The following TXLNB variants were observed in gnomAD, a reference collection of about 807,000 sequenced individuals.
TXLNB encodes the protein beta-taxilin.
TXLNB carries 37 observed loss-of-function variants against 57.4 expected under a neutral mutation model. The ratio of observed to expected loss-of-function variants is 0.64; its 90% confidence interval spans 0.50 to 0.85. TXLNB has a LOEUF of 0.85. Ranked by LOEUF, TXLNB falls within the 40% of genes least tolerant of loss-of-function variation. TXLNB has a pLI of 0.00. For synonymous variants in TXLNB, 302 were observed against 309.6 expected (o/e 0.98, Z 0.26); for missense variants, 848 against 825.6 (o/e 1.03, Z -0.33).
the TXLNB span, chr6:139,179,538 G>A: frequency 6.6e-6 from 1 of 152,176 alleles, no homozygotes; most frequent in Non-Finnish European, 1.5e-5. Context: ...GGATTCTGTG[G>A]ATGTTACTTA....
At position 139,288,617 on chromosome 6, in the gene TXLNB, G is replaced by A; in HGVS notation, c.283C>T (p.Pro95Ser). The change falls in exon 2 of 10, where the codon CCT (proline) becomes TCT (serine). Residue 95 changes from proline to serine, a missense_variant. Coordinates refer to ENST00000358430, the MANE Select transcript of TXLNB (RefSeq NM_153235.4). The part of the protein sequence containing the change: ...ASEQPENAES[P>S]DNEDGDCEET... ...TCACAGTCCCCATCCTCGTTGTCAG[G>A]TGATTCTGCATTCTCAGGCTGCTCA... 2 of 1,614,160 alleles carry A rather than the reference G, an allele frequency of 1.2e-6. No individual in the cohort carries two copies. The highest frequency in any genetic ancestry group is 1.7e-6 in the Non-Finnish European group (2 of 1,180,026).
chr6:139,177,745 G>A, the TXLNB span: 1 of 152,300 alleles, frequency 6.6e-6, no homozygotes, highest in South Asian at 2.1e-4. This position sits in a 1 kb window ranked among gnomAD's most constrained non-coding sequence, Gnocchi z 4.9. Flanking sequence ...TTGCAAATAT[G>A]TTTAGGTAAA....
the TXLNB span, among the ~76,000 whole-genome samples, chr6:139,192,991 C>A: frequency 3.9e-4 from 58 of 150,592 alleles, no homozygotes; most frequent in African/African-American, 1.1e-3. Context: ...AAAAAAACAA[C>A]AAAAAAACCC....
At chr6:139,222,959 G>T in the TXLNB span, among the ~76,000 whole-genome samples, 7 of 152,148 alleles carry the variant, frequency 4.6e-5, no homozygotes, top group Non-Finnish European at 8.8e-5. Flanking sequence ...AATCAACAGG[G>T]TTAAAGAAGA....
the TXLNB span, among the ~76,000 whole-genome samples, chr6:139,208,705 A>C: frequency 1.4e-4 from 21 of 152,254 alleles, no homozygotes; most frequent in Admixed American, 3.9e-4. Flanking sequence ...TGATCATCTC[A>C]ATAGATACAG....
the TXLNB span, among the ~76,000 whole-genome samples, chr6:139,222,462 A>G: frequency 6.6e-6 from 1 of 152,200 alleles, no homozygotes; most frequent in Non-Finnish European, 1.5e-5. Context: ...ATAAATTTTT[A>G]TACACCTAAT....
At chr6:139,282,448 G>A (rs1425351202) in intron 2 of TXLNB, among the ~76,000 whole-genome samples, 1 of 145,082 alleles carries the variant, frequency 6.9e-6, no homozygotes, top group Non-Finnish European at 1.5e-5. Context: ...ATGGTGGCAC[G>A]TGGCTGTAAT....
chr6:139,300,927 C>T, the TXLNB span, among the ~76,000 whole-genome samples: 1 of 152,070 alleles, frequency 6.6e-6, no homozygotes, highest in African/African-American at 2.4e-5. Flanking sequence ...CTTGTGTGTT[C>T]CTTAATTCAA....
the TXLNB span, among the ~76,000 whole-genome samples, chr6:139,232,340 G>A: frequency 5.3e-5 from 8 of 152,234 alleles, no homozygotes; most frequent in Non-Finnish European, 7.4e-5. Context: ...ACATTCCACC[G>A]GGTCCCTCCC....
chr6:139,323,843 CCT>C, the TXLNB span, among the ~76,000 whole-genome samples: 4 of 152,180 alleles, frequency 2.6e-5, no homozygotes, highest in Non-Finnish European at 4.4e-5. Context: ...TGGCTCGGCC[CCT>C]GTTTCTCAAA....
the TXLNB span, among the ~76,000 whole-genome samples, chr6:139,215,065 T>G: frequency 6.6e-6 from 1 of 152,044 alleles, no homozygotes; most frequent in African/African-American, 2.4e-5. Context: ...AGGTAATTTA[T>G]AGATTCAATG....
chr6:139,226,108 G>A, the TXLNB span, among the ~76,000 whole-genome samples: 1 of 151,680 alleles, frequency 6.6e-6, no homozygotes, highest in African/African-American at 2.4e-5. Context: ...AGACCGACCT[G>A]GAGAACATGG....
At chr6:139,275,898 G>T (rs887015747) in intron 3 of TXLNB, among the ~76,000 whole-genome samples, 1 of 152,156 alleles carries the variant, frequency 6.6e-6, no homozygotes, top group African/African-American at 2.4e-5. Context: ...TCTACTGTTG[G>T]GGGCAGTTCA....
At chr6:139,254,315 T>TTGTGTGTGTGTGTGTGTGTGTGTGTGTG (rs60108019) in intron 7 of TXLNB, among the ~76,000 whole-genome samples, 2 of 150,026 alleles carry the variant, frequency 1.3e-5, no homozygotes, top group African/African-American at 4.9e-5. Context: ...TGAACACGAT[T>TTGTGTGTGTGTGTGTGTGTGTGTGTGTG]TGTGTGTGTG....
the TXLNB span, among the ~76,000 whole-genome samples, chr6:139,316,737 C>T: frequency 0.91 from 138,691 of 152,302 alleles, 63,444 homozygotes; most frequent in African/African-American, 0.98. Flanking sequence ...ACTAAGACTG[C>T]TGCAATTAAT....
Position 139,242,505 on chromosome 6 carries a change from C to A in TXLNB, c.*21G>T. On this transcript the variant is annotated 3_prime_UTR_variant, in exon 10 of 10. Coordinates refer to ENST00000358430, the MANE Select transcript of TXLNB (RefSeq NM_153235.4). ...GAATATGCAAAGAGGCAGGAAGAAG[C>A]CTCTGAAGGCACGGTGAGGCTTAGT... is the stretch of plus-strand genomic sequence containing the variant. The A allele has an allele frequency of 6.8e-7, 1 of 1,477,860 alleles. No individual in the cohort carries two copies. Among genetic ancestry groups the A allele is most frequent in the South Asian group, 1.5e-5 (1 of 68,072 alleles). 91.5% of individuals were successfully genotyped at this position (1,477,860 alleles called of 1,614,324 possible).
At chr6:139,319,974 A>C in the TXLNB span, among the ~76,000 whole-genome samples, 2 of 152,214 alleles carry the variant, frequency 1.3e-5, no homozygotes, top group Admixed American at 1.3e-4. Context: ...CTACTTTATA[A>C]ATATTTAGCT....
the TXLNB span, among the ~76,000 whole-genome samples, chr6:139,223,156 A>C: frequency 1.3e-5 from 2 of 152,266 alleles, no homozygotes; most frequent in Non-Finnish European, 2.9e-5. Flanking sequence ...TATTAATTAA[A>C]AGATAAAAGT....
chr6:139,213,892 T>C, the TXLNB span, among the ~76,000 whole-genome samples: 15 of 152,136 alleles, frequency 9.9e-5, no homozygotes, highest in Non-Finnish European at 2.1e-4. Context: ...AATGGATAAA[T>C]TCCTCGACAC....
Sources: gnomAD v4.1 joint callset for allele counts (sites outside exome capture counted in the v4.1 genomes callset) on GRCh38, gnomAD v4.1.1 for gene constraint, Gnocchi (gnomAD v3.1) non-coding constraint, MANE v1.5 for transcripts, NCBI Gene and HGNC (gene_info 2026-07-23, HGNC 2026-07-21) for gene names.